VWF: variants seen among roughly 807,000 people sequenced by gnomAD.
VWF encodes the protein von Willebrand factor, also known as Factor VIII related antigen.
VWF carries 176 observed loss-of-function variants against 308.6 expected under a neutral mutation model. That is an observed-to-expected ratio of 0.57 (90% CI 0.50 to 0.65). The LOEUF is 0.65. VWF is among the 30% of genes least tolerant of loss of function. The pLI, the probability that VWF is intolerant of heterozygous loss-of-function variation, is 0.00. For missense variants in VWF, 3,146 were observed against 3,648.2 expected (o/e 0.86, Z 3.55); for synonymous variants, 1,385 against 1,443.4 (o/e 0.96, Z 0.92).
chr12:6,062,717 C>T (rs535319115), intron 13 of VWF, among the ~76,000 whole-genome samples: 244 of 152,258 alleles, frequency 1.6e-3, no homozygotes, highest in Non-Finnish European at 2.0e-3. Flanking sequence ...CCACCCCAGT[C>T]TAGAGGCCCT....
At position 6,058,557 on chromosome 12, in the gene VWF, C is replaced by G. The variant is rs924434057; in HGVS notation, c.1534-513G>C. Among the ~76,000 whole-genome samples, 1 of 152,150 alleles carries G rather than the reference C, an allele frequency of 6.6e-6. No homozygotes were observed. Among genetic ancestry groups the G allele is most frequent in the Non-Finnish European group, 1.5e-5 (1 of 68,030 alleles). ...GCAGGCTGCCAGGTGTGGTCCAAGC[C>G]CTCCGGGAGCTCACGGTTAATGACA... is the stretch of plus-strand genomic sequence containing the variant. On this transcript the variant is annotated intron_variant, in intron 13 of 51. Coordinates refer to ENST00000261405, the MANE Select transcript of VWF (RefSeq NM_000552.5). The surrounding 1 kb of genome is among the most constrained non-coding windows in gnomAD (Gnocchi z 4.9).
intron 8 of VWF, among the ~76,000 whole-genome samples, chr12:6,072,767 A>G (rs1475337436): frequency 1.3e-5 from 2 of 152,166 alleles, no homozygotes; most frequent in Non-Finnish European, 2.9e-5. Context: ...GAGGGAGAAG[A>G]CTACTCATTA....
Position 6,016,643 on chromosome 12 carries a change from A to G in VWF, c.5184T>C (p.Thr1728=), listed in dbSNP as rs1565830560. The change falls in exon 30 of 52, where the codon ACT becomes ACC. Residue 1728 remains threonine, a synonymous_variant. Coordinates refer to ENST00000261405, the MANE Select transcript of VWF (RefSeq NM_000552.5). ...ISKANIGPRL[T]QVSVLQYGSI... ...TTCCATACTGCAGCACTGACACCTG[A>G]GTGAGACGAGGCCCTAAACGGAACG... 6.2e-7 allele frequency: 1 copy of G among 1,614,178 alleles called. No individual in the cohort carries two copies. Among genetic ancestry groups the G allele is most frequent in the Non-Finnish European group, 8.5e-7 (1 of 1,180,034 alleles).
At chr12:5,995,067 T>C (rs1016812287) in intron 35 of VWF, among the ~76,000 whole-genome samples, 1 of 152,202 alleles carries the variant, frequency 6.6e-6, no homozygotes, top group African/African-American at 2.4e-5. Context: ...CAGACCTTTT[T>C]TTTAGCTCAT....
At chr12:6,085,724 G>T (rs1026340561) in intron 6 of VWF, among the ~76,000 whole-genome samples, 1 of 151,206 alleles carries the variant, frequency 6.6e-6, no homozygotes, top group African/African-American at 2.4e-5. Context: ...CGGGGAGGGG[G>T]GGCGCGGGGG....
chr12:6,057,026 G>T lies in VWF; in HGVS notation c.1776C>A (p.Phe592Leu). The T allele has an allele frequency of 6.5e-7, 1 of 1,549,480 alleles. No individual in the cohort carries two copies. The highest frequency in any genetic ancestry group is 1.4e-5 in the African/African-American group (1 of 73,818). The change falls in exon 15 of 52, where the codon TTC becomes TTA. Residue 592 changes from phenylalanine to leucine, a missense_variant. This residue lies in a region of VWF where 1,304 missense variants were observed against 1,353.0 expected (regional missense o/e 0.96). Transcript: ENST00000261405. ...EACAVLTSPTFEACHRAVSPL... is the reference protein window; with the variant it reads ...EACAVLTSPTLEACHRAVSPL... ...GGCTGACGGCACGATGGCAGGCCTC[G>T]AATGTGGGGGACGTCAGGACCGCGC...
chr12:6,072,216 T>C (rs886683686), intron 9 of VWF, 115 bp downstream of exon 9: 29 of 947,528 alleles, frequency 3.1e-5, no homozygotes, highest in Non-Finnish European at 4.8e-5. Context: ...ACTCAGTCTC[T>C]TCTTTCTTGG....
intron 40 of VWF, among the ~76,000 whole-genome samples, chr12:5,983,977 T>C (rs1383824424): frequency 9.8e-6 from 1 of 101,948 alleles, no homozygotes; most frequent in Non-Finnish European, 2.1e-5. Flanking sequence ...GATAGATGGA[T>C]AGATAGATAG....
chr12:6,089,299 GTCTTC>G (rs1436499028), intron 6 of VWF, among the ~76,000 whole-genome samples: 2 of 152,252 alleles, frequency 1.3e-5, no homozygotes, highest in African/African-American at 4.8e-5. Flanking sequence ...GGACAAAGCA[GTCTTC>G]TCTTCTCAGG....
chr12:6,005,062 T>C (rs1943911357), intron 34 of VWF, among the ~76,000 whole-genome samples: 1 of 152,146 alleles, frequency 6.6e-6, no homozygotes, highest in Admixed American at 6.5e-5. Context: ...GGTAAACAAG[T>C]TGACACTAAA....
At chr12:5,966,652 G>A (rs1268202649) in intron 47 of VWF, among the ~76,000 whole-genome samples, 1 of 143,436 alleles carries the variant, frequency 7.0e-6, no homozygotes, top group African/African-American at 2.6e-5. Flanking sequence ...CCACCTTGCT[G>A]CAGCCCCGAC....
At chr12:6,017,480 T>A (rs1944076201) in intron 28 of VWF, among the ~76,000 whole-genome samples, 1 of 152,188 alleles carries the variant, frequency 6.6e-6, no homozygotes, top group Admixed American at 6.5e-5. Flanking sequence ...TACTGACAAG[T>A]GTGTGACTCA....
At chr12:6,041,683 G>A (rs373084222) in intron 18 of VWF, among the ~76,000 whole-genome samples, 2 of 152,034 alleles carry the variant, frequency 1.3e-5, no homozygotes, top group African/African-American at 2.4e-5. Context: ...TCCTGACCTC[G>A]TAATCCGCCC....
chr12:5,991,206 CGCAT>C (rs1435522128), intron 38 of VWF, among the ~76,000 whole-genome samples: 1,088 of 69,906 alleles, frequency 0.016, 14 homozygotes, highest in East Asian at 0.061. Flanking sequence ...CACACACACA[CGCAT>C]GCACACACAC....
intron 47 of VWF, among the ~76,000 whole-genome samples, chr12:5,960,563 A>G (rs1412984276): frequency 2.0e-5 from 3 of 152,230 alleles, no homozygotes; most frequent in African/African-American, 7.2e-5. Context: ...TAACACTCTT[A>G]ACATAAACAT....
At position 5,985,550 on chromosome 12, in the gene VWF, G is replaced by C. The variant is rs1943669909; in HGVS notation, c.6901+13C>G. 6.2e-7 allele frequency: 1 copy of C among 1,612,640 alleles called. No homozygotes were observed. The highest frequency in any genetic ancestry group is 1.7e-5 in the Admixed American group (1 of 59,986). On this transcript the variant is annotated intron_variant, in intron 39 of 51. Transcript: ENST00000261405. The stretch of plus-strand genomic sequence containing the variant: ...TTCCTCCATGAAGGCACCAGGGAGG[G>C]GAGGACTCTCACCTTTGGCCGTGGG...
chr12:6,081,361 G>A (rs919038679), intron 6 of VWF, among the ~76,000 whole-genome samples: 1 of 151,686 alleles, frequency 6.6e-6, no homozygotes, highest in African/African-American at 2.4e-5. Flanking sequence ...TTTGTTTTGA[G>A]ACAGAGTCTC....
At chr12:5,952,369 G>T in intron 49 of VWF, 22 bp downstream of exon 49, 1 of 1,613,580 alleles carries the variant, frequency 6.2e-7, no homozygotes, top group Admixed American at 1.7e-5. Flanking sequence ...ACAGTAAAGA[G>T]GAAAGCAGAA....
At chr12:5,964,182 A>C (rs545805173) in intron 47 of VWF, among the ~76,000 whole-genome samples, 2 of 149,936 alleles carry the variant, frequency 1.3e-5, no homozygotes, top group Non-Finnish European at 3.0e-5. Flanking sequence ...TCACCACTGC[A>C]CTCCAGCCTG....
Sources: allele counts gnomAD v4.1 joint callset (sites outside exome capture counted in the v4.1 genomes callset), GRCh38; gene constraint gnomAD v4.1.1; regional missense constraint gnomAD v4.1.1; non-coding constraint Gnocchi (gnomAD v3.1); transcripts MANE v1.5; gene names NCBI Gene and HGNC (gene_info 2026-07-23, HGNC 2026-07-21).